Variants in ULK4 observed in about 807,000 individuals in gnomAD.
ULK4 encodes the protein inactive serine/threonine-protein kinase ULK4.
Under a neutral mutation model 160.6 loss-of-function variants are expected in ULK4, and 133 were observed. The observed-to-expected ratio is 0.83, with a 90% CI of 0.72 to 0.96. The LOEUF is 0.96. ULK4 is among the 40% of genes least tolerant of loss of function. The pLI, the probability that ULK4 is intolerant of heterozygous loss-of-function variation, is 0.00. For missense variants in ULK4, 1,580 were observed against 1,499.5 expected (o/e 1.05, Z -0.89); for synonymous variants, 534 against 539.8 (o/e 0.99, Z 0.15).
chr3:41,332,869 A>C (rs1479425235), intron 35 of ULK4, among the ~76,000 whole-genome samples: 1 of 152,088 alleles, frequency 6.6e-6, no homozygotes, highest in South Asian at 2.1e-4. Flanking sequence ...AGGAGTACCC[A>C]ATGTTTTGTT....
intron 2 of ULK4, among the ~76,000 whole-genome samples, chr3:41,953,780 G>A (rs1482070804): frequency 6.6e-6 from 1 of 152,218 alleles, no homozygotes; most frequent in Non-Finnish European, 1.5e-5. Flanking sequence ...GGGCTCAGTG[G>A]CTCCTGCCTG....
chr3:41,273,285 TCCCCTGTTGAGGCAAGA>T (rs1469532261), intron 35 of ULK4, among the ~76,000 whole-genome samples: 1 of 152,176 alleles, frequency 6.6e-6, no homozygotes, highest in African/African-American at 2.4e-5. Context: ...ACAAATTATT[TCCCCTGTTGAGGCAAGA>T]CCCTTCTGTG....
At chr3:41,329,830 A>G (rs781359401) in intron 35 of ULK4, among the ~76,000 whole-genome samples, 23 of 152,232 alleles carry the variant, frequency 1.5e-4, no homozygotes, top group Non-Finnish European at 3.4e-4. Flanking sequence ...TGAAAAAATA[A>G]AGCTCTTCAT....
chr3:41,645,048 A>G (rs2034417128), intron 30 of ULK4, among the ~76,000 whole-genome samples: 3 of 151,116 alleles, frequency 2.0e-5, no homozygotes, highest in South Asian at 2.1e-4. Flanking sequence ...TATCCCCTTT[A>G]TCATTTTTTA....
intron 34 of ULK4, among the ~76,000 whole-genome samples, chr3:41,408,565 C>T (rs192480388): frequency 2.0e-5 from 3 of 152,018 alleles, no homozygotes; most frequent in Admixed American, 6.5e-5. Flanking sequence ...AAAGCATTCT[C>T]TATCAAAATT....
At chr3:41,556,272 T>G (rs1211112759) in intron 32 of ULK4, among the ~76,000 whole-genome samples, 1 of 152,116 alleles carries the variant, frequency 6.6e-6, no homozygotes, top group Non-Finnish European at 1.5e-5. Flanking sequence ...TAAGAATTAG[T>G]TTTGTTCAAC....
chr3:41,814,803 T>C (rs1371658224), intron 19 of ULK4, among the ~76,000 whole-genome samples: 2 of 152,138 alleles, frequency 1.3e-5, no homozygotes, highest in African/African-American at 2.4e-5. Flanking sequence ...CCACACTTCT[T>C]TGGATTAGGT....
intron 32 of ULK4, among the ~76,000 whole-genome samples, chr3:41,464,089 T>C (rs983476286): frequency 6.6e-6 from 1 of 151,858 alleles, no homozygotes; most frequent in African/African-American, 2.4e-5. Flanking sequence ...AAGTCTGATG[T>C]GTATTAAAAG....
At chr3:41,424,831 C>CAAA (rs36097613) in intron 34 of ULK4, among the ~76,000 whole-genome samples, 30 of 62,238 alleles carry the variant, frequency 4.8e-4, no homozygotes, top group Middle Eastern at 0.012. Context: ...AAGAAATCAT[C>CAAA]AAAAAAAAAA....
intron 17 of ULK4, among the ~76,000 whole-genome samples, chr3:41,868,578 C>T (rs1033664499): frequency 1.3e-5 from 2 of 152,194 alleles, no homozygotes; most frequent in Non-Finnish European, 2.9e-5. Flanking sequence ...ACCTACGCCT[C>T]CAGGTTTCAA....
intron 22 of ULK4, among the ~76,000 whole-genome samples, chr3:41,738,724 T>C (rs2038137320): frequency 6.6e-6 from 1 of 151,952 alleles, no homozygotes; most frequent in South Asian, 2.1e-4. Flanking sequence ...TTCTGTTGAC[T>C]GTAACCAAAA....
Position 41,617,285 on chromosome 3 carries a change from C to A in ULK4, c.3072-1568G>T, listed in dbSNP as rs192938449. Among the ~76,000 whole-genome samples the A allele has an allele frequency of 1.9e-3, 286 of 152,350 alleles. 2 individuals are homozygous for A. The highest frequency in any genetic ancestry group is 6.6e-3 in the African/African-American group (276 of 41,584). On this transcript the variant is annotated intron_variant, in intron 30 of 36. Transcript: ENST00000301831. ...ACCAGCTCTGCTAAGGGACAGGCTGCCTCCTCAAGTGGGTCCCTGACCCCA... is the reference window on the plus strand; with the variant it reads ...ACCAGCTCTGCTAAGGGACAGGCTGACTCCTCAAGTGGGTCCCTGACCCCA...
At chr3:41,263,243 G>A (rs2078977438) in intron 35 of ULK4, among the ~76,000 whole-genome samples, 1 of 152,194 alleles carries the variant, frequency 6.6e-6, no homozygotes, top group Admixed American at 6.5e-5. Flanking sequence ...ATACTAACCA[G>A]TCCTTAGGAA....
intron 35 of ULK4, among the ~76,000 whole-genome samples, chr3:41,305,418 C>T (rs1392499075): frequency 2.0e-5 from 3 of 152,236 alleles, no homozygotes; most frequent in East Asian, 1.9e-4. Flanking sequence ...GACGGGGTTT[C>T]GCTGTGTTGG....
chr3:41,805,663 T>C (rs1277194524), intron 19 of ULK4, among the ~76,000 whole-genome samples: 1 of 151,646 alleles, frequency 6.6e-6, no homozygotes, highest in East Asian at 1.9e-4. Context: ...GTCCCATCAA[T>C]ACCTAATTTA....
chr3:41,792,609 A>C (rs1199407961), intron 20 of ULK4, among the ~76,000 whole-genome samples: 1 of 152,194 alleles, frequency 6.6e-6, no homozygotes, highest in Admixed American at 6.5e-5. Context: ...TTTCTTAATA[A>C]AAGATTTTCC....
At chr3:41,496,826 A>G (rs2085008512) in intron 32 of ULK4, among the ~76,000 whole-genome samples, 1 of 152,098 alleles carries the variant, frequency 6.6e-6, no homozygotes, top group South Asian at 2.1e-4. Flanking sequence ...GAAAAGCAAC[A>G]CCTTACTAAT....
intron 34 of ULK4, among the ~76,000 whole-genome samples, chr3:41,436,643 T>A (rs566218239): frequency 2.6e-5 from 4 of 152,204 alleles, no homozygotes; most frequent in African/African-American, 4.8e-5. Context: ...TACTGGGTTA[T>A]TGGACAGAAA....
In ULK4 at chr3:41,360,086, A is replaced by T. The variant is rs1251765336; in HGVS notation, c.3678+37993T>A. Among the ~76,000 whole-genome samples the T allele has an allele frequency of 2.8e-4, 42 of 151,938 alleles. 1 individual carries two copies. Among genetic ancestry groups the T allele is most frequent in the Non-Finnish European group, 1.5e-5 (1 of 67,930 alleles). On this transcript the variant is annotated intron_variant, in intron 35 of 36. Coordinates refer to ENST00000301831, the MANE Select transcript of ULK4 (RefSeq NM_017886.4). ...AACTTAAACATTTACAGGAAAAAAA[A>T]CCCATTAAAAAGTGGGCAAAGGATA... is the stretch of plus-strand genomic sequence containing the variant.
Sources: gnomAD v4.1 joint callset for allele counts (sites outside exome capture counted in the v4.1 genomes callset) on GRCh38, gnomAD v4.1.1 for gene constraint, MANE v1.5 for transcripts, NCBI Gene and HGNC (gene_info 2026-07-23, HGNC 2026-07-21) for gene names.